Variants in FGD4 observed in about 807,000 individuals in gnomAD.
FGD4 encodes FYVE, RhoGEF and PH domain containing 4.
A neutral mutation model predicts 102.0 loss-of-function variants in FGD4; 42 were observed. The observed-to-expected ratio is 0.41, with a 90% CI of 0.32 to 0.53. The LOEUF is 0.53. Among genes scored for constraint, FGD4 ranks in the 20% least tolerant of loss-of-function variants. FGD4 has a pLI of 0.21. For missense variants in FGD4, 902 were observed against 1,078.2 expected (o/e 0.84, Z 2.29); for synonymous variants, 380 against 375.7 (o/e 1.01, Z -0.13).
At chr12:32,404,956 C>T (rs2733683) in intron 1 of FGD4, among the ~76,000 whole-genome samples, 72,880 of 151,664 alleles carry the variant, frequency 0.48, 19,177 homozygotes, top group African/African-American at 0.7. Flanking sequence ...TTTTTTGAGA[C>T]GGAGTCTGGC....
chr12:32,563,781 T>C (rs1320810091), intron 1 of FGD4, among the ~76,000 whole-genome samples: 1 of 152,078 alleles, frequency 6.6e-6, no homozygotes, highest in Non-Finnish European at 1.5e-5. Flanking sequence ...GGCGGATCAC[T>C]CGCGGTTAGG....
chr12:32,399,992 C>T, intron 1 of FGD4, 33 bp downstream of exon 1: 3 of 1,428,700 alleles, frequency 2.1e-6, no homozygotes, highest in Non-Finnish European at 2.7e-6. Context: ...GAAGGGTGGC[C>T]CCGGCGCGTA....
chr12:32,600,452 G>A, intron 5 of FGD4: 1 of 1,287,200 alleles, frequency 7.8e-7, no homozygotes, highest in Non-Finnish European at 1.0e-6. Flanking sequence ...CAACCATCTG[G>A]ACATTATGAA....
intron 1 of FGD4, among the ~76,000 whole-genome samples, chr12:32,558,654 C>T (rs192073727): frequency 8.4e-4 from 128 of 152,314 alleles, no homozygotes; most frequent in African/African-American, 3.1e-3. Flanking sequence ...CCTAACCAAT[C>T]GTAGGGCATA....
At chr12:32,603,138 G>A (rs1044406199) in intron 7 of FGD4, among the ~76,000 whole-genome samples, 1 of 152,042 alleles carries the variant, frequency 6.6e-6, no homozygotes, top group Non-Finnish European at 1.5e-5. Context: ...GTTTTTATAT[G>A]TTGTGAGTCT....
At position 32,469,229 on chromosome 12, in the gene FGD4, T is replaced by C. The variant is rs187507826; in HGVS notation, c.166+69270T>C. ...TTTATTCAACTTGTTTTTTTATTTA[T>C]ATATACTAGAAATTTTCCACAGAAA... On this transcript the variant is annotated intron_variant, in intron 1 of 16. Coordinates refer to ENST00000534526, the MANE Select transcript of FGD4 (RefSeq NM_001370298.3). Among the ~76,000 whole-genome samples, 18 of 152,306 alleles carry C rather than the reference T, an allele frequency of 1.2e-4. No individual in the cohort carries two copies. In the East Asian group the frequency reaches 3.3e-3, roughly 28 times the overall value.
chr12:32,572,345 G>A (rs1309081377), intron 2 of FGD4, among the ~76,000 whole-genome samples: 1 of 152,138 alleles, frequency 6.6e-6, no homozygotes, highest in Non-Finnish European at 1.5e-5. Flanking sequence ...TTGCTCTAGG[G>A]AGCTTAACAA....
intron 1 of FGD4, among the ~76,000 whole-genome samples, chr12:32,444,921 A>G (rs1404705007): frequency 6.6e-6 from 1 of 152,198 alleles, no homozygotes; most frequent in African/African-American, 2.4e-5. Context: ...GGTGATTGAT[A>G]TTATTAATAG....
At chr12:32,508,103 G>A (rs1592047435) in intron 1 of FGD4, among the ~76,000 whole-genome samples, 1 of 152,224 alleles carries the variant, frequency 6.6e-6, no homozygotes, top group Admixed American at 6.5e-5. Flanking sequence ...GAGGAGGGAT[G>A]AAGGGTACAG....
chr12:32,552,285 A>G (rs1001720846), intron 1 of FGD4, among the ~76,000 whole-genome samples: 2 of 152,074 alleles, frequency 1.3e-5, no homozygotes, highest in African/African-American at 4.8e-5. Context: ...TTTGAGATGG[A>G]GTCTCACACT....
intron 15 of FGD4, 96 bp from the exon 16 acceptor site, chr12:32,638,559 C>T (rs916446550): frequency 1.8e-5 from 27 of 1,504,182 alleles, no homozygotes; most frequent in Non-Finnish European, 1.8e-6. Flanking sequence ...TTGGATAGTC[C>T]AGGGAAACAT....
intron 1 of FGD4, among the ~76,000 whole-genome samples, chr12:32,518,402 C>G (rs148504225): frequency 6.6e-6 from 1 of 152,002 alleles, no homozygotes; most frequent in African/African-American, 2.4e-5. Flanking sequence ...CGCTTGAACC[C>G]GGTAGTCGGA....
At chr12:32,555,691 C>T (rs1944048743) in intron 1 of FGD4, among the ~76,000 whole-genome samples, 1 of 151,522 alleles carries the variant, frequency 6.6e-6, no homozygotes, top group Non-Finnish European at 1.5e-5. Context: ...CCTGCCTCAG[C>T]CTCCCGAGTA....
In FGD4 at chr12:32,399,575, G is replaced by A. The variant is rs527614546; in HGVS notation, c.-219G>A. On this transcript the variant is annotated 5_prime_UTR_variant, in exon 1 of 17. Transcript: ENST00000534526. ...CGGGAGCTGCAGATACCGAGACGCTGCGACTGCCGCAGGAGTCGCCGCAGC... is the reference window on the plus strand; with the variant it reads ...CGGGAGCTGCAGATACCGAGACGCTACGACTGCCGCAGGAGTCGCCGCAGC... 1.5e-5 allele frequency: 18 copies of A among 1,212,806 alleles called. No homozygotes were observed. The highest frequency in any genetic ancestry group is 3.2e-5 in the Admixed American group (1 of 31,642). The allele number at this position is 1,212,806 out of a possible 1,614,324, so 75.1% of individuals were successfully genotyped here.
At chr12:32,509,878 A>G (rs1939181292) in intron 1 of FGD4, among the ~76,000 whole-genome samples, 1 of 152,056 alleles carries the variant, frequency 6.6e-6, no homozygotes, top group South Asian at 2.1e-4. Context: ...CCCTCTGTGA[A>G]TGGCAGAAAA....
At chr12:32,597,290 C>A (rs985600058) in intron 4 of FGD4, among the ~76,000 whole-genome samples, 11 of 152,134 alleles carry the variant, frequency 7.2e-5, no homozygotes, top group Admixed American at 7.2e-4. Flanking sequence ...ATGAGCGAAA[C>A]AGGGTGGCAG....
chr12:32,408,399 T>G (rs1410730459), intron 1 of FGD4, among the ~76,000 whole-genome samples: 2 of 152,088 alleles, frequency 1.3e-5, no homozygotes, highest in African/African-American at 4.8e-5. Context: ...ACTCTCAACC[T>G]CAGGTGATCC....
Position 32,642,747 on chromosome 12 carries a change from C to T in FGD4, c.*2214C>T, listed in dbSNP as rs552816741. 2.6e-5 allele frequency: 4 copies of T among 152,184 alleles called. No individual in the cohort carries two copies. In the South Asian group the frequency reaches 6.2e-4, roughly 24 times the overall value. 9.4% of individuals were successfully genotyped at this position (152,184 alleles called of 1,614,324 possible). On this transcript the variant is annotated 3_prime_UTR_variant, in exon 17 of 17. Transcript: ENST00000534526. ...TCCGGTCACCATATTCACTTTCCAC[C>T]CCACATTCTTCAGCTAAACGCAAAG...
At chr12:32,626,102 A>G (rs1950151032) in intron 14 of FGD4, among the ~76,000 whole-genome samples, 1 of 152,234 alleles carries the variant, frequency 6.6e-6, no homozygotes, top group African/African-American at 2.4e-5. Context: ...AATTTTGGTT[A>G]GAAAAAGAGA....
Sources: allele counts gnomAD v4.1 joint callset (sites outside exome capture counted in the v4.1 genomes callset), GRCh38; gene constraint gnomAD v4.1.1; transcripts MANE v1.5; gene names NCBI Gene and HGNC (gene_info 2026-07-23, HGNC 2026-07-21).